The following RPS27 variants were observed in gnomAD, a reference collection of about 807,000 sequenced individuals.
RPS27 encodes the protein small ribosomal subunit protein eS27.
RPS27 carries 1 observed loss-of-function variant against 11.8 expected under a neutral mutation model. The ratio of observed to expected loss-of-function variants is 0.08; its 90% CI spans 0.03 to 0.40. The LOEUF is 0.40. Among genes scored for constraint, RPS27 ranks in the 10% least tolerant of loss-of-function variants. RPS27 has a pLI of 0.98. For missense variants in RPS27, 44 were observed against 100.1 expected, an observed-to-expected ratio of 0.44 and a Z score of 2.39; for synonymous variants, 42 against 33.8, an observed-to-expected ratio of 1.24 and a Z score of -0.84.
intron 2 of RPS27, 136 bp downstream of exon 2, chr1:153,991,359 AT>A (rs1557895852): frequency 6.6e-7 from 1 of 1,512,440 alleles, no homozygotes; most frequent in South Asian, 1.3e-5. Context: ...ATTTTCCCTG[AT>A]ACTCTTAAAA....
chr1:153,991,067 C>T, intron 1 of RPS27, 48 bp from the exon 2 acceptor site: 1 of 1,430,076 alleles, frequency 7.0e-7, no homozygotes, highest in Non-Finnish European at 9.5e-7. Flanking sequence ...TTCGACCATC[C>T]CATTTTCGCT....
intron 2 of RPS27, 139 bp downstream of exon 2, chr1:153,991,362 C>T: frequency 1.3e-6 from 2 of 1,511,152 alleles, no homozygotes; most frequent in East Asian, 2.5e-5. Context: ...TTCCCTGATA[C>T]TCTTAAAATT....
intron 2 of RPS27, 32 bp from the exon 3 acceptor site, chr1:153,991,534 G>T: frequency 6.5e-7 from 1 of 1,542,126 alleles, no homozygotes; most frequent in Non-Finnish European, 9.0e-7. Context: ...GGGTGTAATA[G>T]AGGAAAAAAA....
chr1:153,991,419 C>A (rs1464138783), intron 2 of RPS27, 147 bp from the exon 3 acceptor site: 17 of 1,409,008 alleles, frequency 1.2e-5, no homozygotes, highest in Non-Finnish European at 1.6e-5. Flanking sequence ...AGGAGTGATT[C>A]ATTTCACCGT....
chr1:153,991,979 T>G, intron 3 of RPS27, 86 bp from the exon 4 acceptor site: 1 of 1,178,252 alleles, frequency 8.5e-7, no homozygotes, highest in Non-Finnish European at 1.3e-6. Context: ...TTTCTGTGGG[T>G]GGATCATCAT....
At chr1:153,991,059 C>T in intron 1 of RPS27, 56 bp from the exon 2 acceptor site, 1 of 1,390,256 alleles carries the variant, frequency 7.2e-7, no homozygotes, top group South Asian at 1.3e-5. Context: ...GGGCTATTTT[C>T]GACCATCCCA....
chr1:153,991,681 A>G lies in RPS27; in HGVS notation c.226+5A>G. On this transcript the variant is annotated splice_donor_5th_base_variant and intron_variant, in intron 3 of 3. Transcript: ENST00000651669. ...GAAAAGCAAGGCTTACAGAAGGTAA[A>G]TGGTTTACTAATGTGATTTGGGGCT... 1.3e-6 allele frequency: 2 copies of G among 1,549,982 alleles called. No homozygotes were observed. The highest frequency in any genetic ancestry group is 1.8e-6 in the Non-Finnish European group (2 of 1,125,384).
At chr1:153,991,840 C>T (rs910691557) in intron 3 of RPS27, 164 bp downstream of exon 3, 21 of 671,828 alleles carry the variant, frequency 3.1e-5, no homozygotes, top group Non-Finnish European at 5.2e-5. Flanking sequence ...CTACCAAAAG[C>T]TATGTATTAA....
chr1:153,990,852 A>ACT (rs1649356656), intron 1 of RPS27, 50 bp downstream of exon 1: 53 of 1,611,828 alleles, frequency 3.3e-5, no homozygotes, highest in Non-Finnish European at 4.4e-5. Flanking sequence ...TTCTGTCCGA[A>ACT]CTCTCCCCTC....
chr1:153,991,787 T>C (rs1649425344), intron 3 of RPS27, 111 bp downstream of exon 3: 1 of 739,734 alleles, frequency 1.4e-6, no homozygotes, highest in East Asian at 2.6e-5. Flanking sequence ...ATAATGTAAA[T>C]TTTTAGACAA....
intron 2 of RPS27, 116 bp from the exon 3 acceptor site, chr1:153,991,450 A>C: frequency 8.1e-6 from 11 of 1,363,370 alleles, no homozygotes; most frequent in Non-Finnish European, 1.1e-5. Flanking sequence ...CACATTTCAC[A>C]TACAACCCCT....
At chr1:153,991,094 C>T (rs1347140983) in intron 1 of RPS27, 21 bp from the exon 2 acceptor site, 13 of 1,533,836 alleles carry the variant, frequency 8.5e-6, no homozygotes, top group Non-Finnish European at 1.1e-5. Context: ...TTCTAAATCT[C>T]TGCATTTCTG....
chr1:153,991,503 G>T, intron 2 of RPS27, 63 bp from the exon 3 acceptor site: 1 of 1,377,032 alleles, frequency 7.3e-7, no homozygotes, highest in Non-Finnish European at 1.0e-6. Context: ...ATGATGAGTT[G>T]GGCATAAGTG....
Position 153,991,595 on chromosome 1 carries a change from C to T in RPS27, c.145C>T (p.His49Tyr). The change falls in exon 3 of 4, where the codon CAT (histidine) becomes TAT (tyrosine). Residue 49 changes from histidine to tyrosine, a missense_variant. By Grantham distance (83) the His-to-Tyr change is moderately conservative (BLOSUM62 2). Coordinates refer to ENST00000651669, the MANE Select transcript of RPS27 (RefSeq NM_001030.6). ...GCYKITTVFSHAQTVVLCVGC... is the reference protein window; with the variant it reads ...GCYKITTVFSYAQTVVLCVGC... ...CTATAAAATCACCACGGTCTTTAGC[C>T]ATGCACAAACGGTAGTTTTGTGTGT... The T allele has an allele frequency of 6.2e-7, 1 of 1,613,010 alleles. No individual in the cohort carries two copies. Among genetic ancestry groups the T allele is most frequent in the Non-Finnish European group, 8.5e-7 (1 of 1,179,112 alleles).
At chr1:153,991,085 T>G in intron 1 of RPS27, 30 bp from the exon 2 acceptor site, 1 of 1,511,212 alleles carries the variant, frequency 6.6e-7, no homozygotes, top group Non-Finnish European at 8.9e-7. Flanking sequence ...GCTGTTGGTT[T>G]CTAAATCTCT....
In RPS27 at chr1:153,990,822, T is replaced by C; in HGVS notation, c.6+20T>C. On this transcript the variant is annotated intron_variant, in intron 1 of 3. Transcript: ENST00000651669. ...ATGCCTGTGAGTGCTTTGGTCCAGG[T>C]TTCGGCGGAGATCTCGCTGTTCTGT... 7 of 1,614,210 alleles carry C rather than the reference T, an allele frequency of 4.3e-6. No individual in the cohort carries two copies. The highest frequency in any genetic ancestry group is 5.9e-6 in the Non-Finnish European group (7 of 1,180,032).
chr1:153,992,002 T>G, intron 3 of RPS27, 63 bp from the exon 4 acceptor site: 1 of 1,485,324 alleles, frequency 6.7e-7, no homozygotes, highest in Non-Finnish European at 9.4e-7. Flanking sequence ...ATCTGCTTTT[T>G]TGGGAGAGGT....
chr1:153,990,979 A>G (rs906723165), intron 1 of RPS27, 136 bp from the exon 2 acceptor site: 2 of 1,188,360 alleles, frequency 1.7e-6, no homozygotes, highest in African/African-American at 1.5e-5. Context: ...GAGAGGAGAT[A>G]AGATGGCGGC....
At chr1:153,990,848 C>A (rs1649355920) in intron 1 of RPS27, 46 bp downstream of exon 1, 1 of 1,613,094 alleles carries the variant, frequency 6.2e-7, no homozygotes, top group Non-Finnish European at 8.5e-7. Context: ...GCTGTTCTGT[C>A]CGAACTCTCC....
Sources: gnomAD v4.1 joint callset for allele counts on GRCh38, gnomAD v4.1.1 for gene constraint, MANE v1.5 for transcripts, NCBI Gene and HGNC (gene_info 2026-07-23, HGNC 2026-07-21) for gene names.